Variants in OR5V1 observed in about 807,000 individuals in gnomAD.
The protein encoded by OR5V1 is olfactory receptor 5V1.
For synonymous variants in OR5V1, 134 were observed against 143.2 expected (o/e 0.94, Z 0.46); for missense variants, 365 against 371.5 (o/e 0.98, Z 0.14).
In OR5V1 at chr6:29,354,371, A is replaced by C. The variant is rs1344013174; in HGVS notation, c.*859T>G. 1 of 152,114 alleles carries C rather than the reference A, an allele frequency of 6.6e-6. No homozygotes were observed. The highest frequency in any genetic ancestry group is 1.9e-4 in the East Asian group (1 of 5,200). The allele number at this position is 152,114 out of a possible 1,614,324, so 9.4% of individuals were successfully genotyped here. The stretch of plus-strand genomic sequence containing the variant: ...TGGTAATAACACATAGAAAATAGTA[A>C]TTAAGTACTTTTACTTTTAACATTA... On this transcript the variant is annotated 3_prime_UTR_variant, in exon 2 of 2. Coordinates refer to ENST00000641768, the MANE Select transcript of OR5V1 (RefSeq NM_030876.6).
intron 1 of OR5V1, among the ~76,000 whole-genome samples, chr6:29,362,740 T>G (rs973119908): frequency 6.6e-6 from 1 of 152,148 alleles, no homozygotes; most frequent in Admixed American, 6.5e-5. Context: ...ATGAAGTTAT[T>G]TGAAACCAGT....
At chr6:29,363,805 A>T (rs186221324) in intron 1 of OR5V1, among the ~76,000 whole-genome samples, 1 of 152,298 alleles carries the variant, frequency 6.6e-6, no homozygotes. Context: ...TATATAAAAA[A>T]AGACCTATTC....
At chr6:29,363,772 A>G (rs1373864358) in intron 1 of OR5V1, among the ~76,000 whole-genome samples, 1 of 146,752 alleles carries the variant, frequency 6.8e-6, no homozygotes, top group Non-Finnish European at 1.5e-5. Flanking sequence ...AACTCTCAAT[A>G]AACTAAATAT....
chr6:29,368,146 C>T (rs1778946409), intron 1 of OR5V1, among the ~76,000 whole-genome samples: 1 of 152,052 alleles, frequency 6.6e-6, no homozygotes, highest in South Asian at 2.1e-4. Context: ...ATATACTATC[C>T]AATTTCTTAC....
chr6:29,355,411 G>A lies in OR5V1; in HGVS notation c.785C>T (p.Pro262Leu). ...YGSAIFTYVRPISTYSLKKDR... is the reference protein window; with the variant it reads ...YGSAIFTYVRLISTYSLKKDR... ...TTTCTTTAATGAGTAAGTTGAGATG[G>A]GCCGTACATATGTAAAGATGGCGCT... The change falls in exon 2 of 2, where the codon CCC becomes CTC. Residue 262 changes from proline to leucine, a missense_variant. Coordinates refer to ENST00000641768, the MANE Select transcript of OR5V1 (RefSeq NM_030876.6). The A allele has an allele frequency of 6.2e-7, 1 of 1,613,962 alleles. No individual in the cohort carries two copies. The highest frequency in any genetic ancestry group is 1.7e-4 in the Middle Eastern group (1 of 6,058).
In OR5V1 at chr6:29,365,235, A is replaced by C. The variant is rs143200305; in HGVS notation, c.-83+3397T>G. 8.3e-4 allele frequency among the ~76,000 whole-genome samples: 127 copies of C among 152,188 alleles called. 3 individuals are homozygous for C. In the East Asian group the frequency reaches 0.019, roughly 22 times the overall value. ...TGGCAATACCATTCAGGACATAGGCATGGGCAAAGACTTCATGACTAAAAC... is the reference window on the plus strand; with the variant it reads ...TGGCAATACCATTCAGGACATAGGCCTGGGCAAAGACTTCATGACTAAAAC... On this transcript the variant is annotated intron_variant, in intron 1 of 1. Transcript: ENST00000641768.
At chr6:29,366,251 CA>C (rs1455591615) in intron 1 of OR5V1, among the ~76,000 whole-genome samples, 19 of 149,658 alleles carry the variant, frequency 1.3e-4, no homozygotes, top group Non-Finnish European at 1.6e-4. Flanking sequence ...AGCAAACCAC[CA>C]TGGCACATGT....
chr6:29,360,823 A>T (rs1207356668), intron 1 of OR5V1, among the ~76,000 whole-genome samples: 1 of 152,176 alleles, frequency 6.6e-6, no homozygotes, highest in East Asian at 1.9e-4. Context: ...ATGAGGAAAA[A>T]CCAGCACAAA....
At chr6:29,356,317 T>A in intron 1 of OR5V1, 40 bp from the exon 2 acceptor site, 1 of 1,136,216 alleles carries the variant, frequency 8.8e-7, no homozygotes, top group Non-Finnish European at 1.2e-6. Flanking sequence ...ATAAAAGTAA[T>A]CACCATTTAT....
chr6:29,354,961 T>G lies in OR5V1; in HGVS notation c.*269A>C. The G allele has an allele frequency of 2.9e-6, 1 of 341,564 alleles. No homozygotes were observed. The highest frequency in any genetic ancestry group is 2.1e-5 in the African/African-American group (1 of 47,378). 21.2% of individuals were successfully genotyped at this position (341,564 alleles called of 1,614,324 possible). On this transcript the variant is annotated 3_prime_UTR_variant, in exon 2 of 2. Coordinates refer to ENST00000641768, the MANE Select transcript of OR5V1 (RefSeq NM_030876.6). ...GGAAATTTTCAAGTGATGAAGTCCATTAAACAAATATCTCATGAAAGAGGG... is the reference window on the plus strand; with the variant it reads ...GGAAATTTTCAAGTGATGAAGTCCAGTAAACAAATATCTCATGAAAGAGGG...
rs766129566 is a variant in OR5V1, at chr6:29,355,311, C to T, written c.885G>A (p.Lys295=). ...LNPIIYTLRN[K]DIKEAVKTIG... Reference sequence around the variant, plus strand: ...TAGTTTTGACAGCTTCTTTGATGTCCTTATTCCTCAATGTGTAAATTATAG... The same window carrying T: ...TAGTTTTGACAGCTTCTTTGATGTCTTTATTCCTCAATGTGTAAATTATAG... The change falls in exon 2 of 2, where the codon AAG becomes AAA. Residue 295 remains lysine (K), a synonymous_variant. Coordinates refer to ENST00000641768, the MANE Select transcript of OR5V1 (RefSeq NM_030876.6). The T allele has an allele frequency of 5.0e-6, 8 of 1,613,652 alleles. No homozygotes were observed.
chr6:29,367,977 A>G (rs1778935748), intron 1 of OR5V1, among the ~76,000 whole-genome samples: 1 of 152,184 alleles, frequency 6.6e-6, no homozygotes, highest in African/African-American at 2.4e-5. Context: ...AGAACCCACA[A>G]GGAGAGGCCC....
Position 29,355,379 on chromosome 6 carries a change from A to G in OR5V1, c.817T>C (p.Leu273=), listed in dbSNP as rs1393309290. 1 of 1,613,966 alleles carries G rather than the reference A, an allele frequency of 6.2e-7. No individual in the cohort carries two copies. The highest frequency in any genetic ancestry group is 1.7e-5 in the Admixed American group (1 of 60,002). The part of the protein sequence containing the change: ...ISTYSLKKDR[L]VSVLYSVVTP... ...ACAACACTGTACAACACTGAAACCA[A>G]CCTATCTTTCTTTAATGAGTAAGTT... is the stretch of plus-strand genomic sequence containing the variant. The change falls in exon 2 of 2, where the codon TTG becomes CTG. Residue 273 remains leucine (L), a synonymous_variant. Coordinates refer to ENST00000641768, the MANE Select transcript of OR5V1 (RefSeq NM_030876.6).
At chr6:29,360,669 A>C (rs1385684735) in intron 1 of OR5V1, among the ~76,000 whole-genome samples, 1 of 152,186 alleles carries the variant, frequency 6.6e-6, no homozygotes, top group Non-Finnish European at 1.5e-5. Flanking sequence ...ACTGCAGCAG[A>C]CCTGCAGAAG....
intron 1 of OR5V1, among the ~76,000 whole-genome samples, chr6:29,361,147 A>G (rs1778547141): frequency 6.6e-6 from 1 of 152,148 alleles, no homozygotes; most frequent in Non-Finnish European, 1.5e-5. Flanking sequence ...ACAAGTATCA[A>G]TAGCTGAATT....
In OR5V1 at chr6:29,367,711, C is replaced by T. The variant is rs142674183; in HGVS notation, c.-83+921G>A. 7.1e-3 allele frequency among the ~76,000 whole-genome samples: 1,087 copies of T among 152,192 alleles called. 11 individuals are homozygous for T. Among genetic ancestry groups the T allele is most frequent in the African/African-American group, 0.019 (793 of 41,536 alleles). The stretch of plus-strand genomic sequence containing the variant: ...TCTATTTCCAAATCTAGAACAACAT[C>T]CTGCAGCTGGTACTCAAATTGTGCT... On this transcript the variant is annotated intron_variant, in intron 1 of 1. Transcript: ENST00000641768.
At chr6:29,358,809 G>A (rs1160498776) in intron 1 of OR5V1, among the ~76,000 whole-genome samples, 1 of 152,182 alleles carries the variant, frequency 6.6e-6, no homozygotes, top group Non-Finnish European at 1.5e-5. Flanking sequence ...GGAGTGGACA[G>A]GGGTGGACTG....
chr6:29,366,248 C>G (rs1025954097), intron 1 of OR5V1, among the ~76,000 whole-genome samples: 2 of 150,386 alleles, frequency 1.3e-5, no homozygotes, highest in Admixed American at 1.3e-4. Flanking sequence ...TGCAGCAAAC[C>G]ACCATGGCAC....
Position 29,356,157 on chromosome 6 carries a change from G to T in OR5V1, c.39C>A (p.Ile13=). 1.9e-6 allele frequency: 3 copies of T among 1,603,328 alleles called. No homozygotes were observed. The highest frequency in any genetic ancestry group is 2.6e-6 in the Non-Finnish European group (3 of 1,176,104). ...CATTTAGGTTGGAGAATCCCAAGAT[G>T]ATGAATTCAGTTATAGCTGTTTGAT... is the stretch of plus-strand genomic sequence containing the variant. ...RKNQTAITEF[I]ILGFSNLNEL... Residue 13 remains isoleucine, a synonymous_variant, in exon 2 of 2, where the codon ATC becomes ATA. Coordinates refer to ENST00000641768, the MANE Select transcript of OR5V1 (RefSeq NM_030876.6).
Sources: gnomAD v4.1 joint callset for allele counts (sites outside exome capture counted in the v4.1 genomes callset) on GRCh38, gnomAD v4.1.1 for gene constraint, MANE v1.5 for transcripts, NCBI Gene and HGNC (gene_info 2026-07-23, HGNC 2026-07-21) for gene names.